The following HEG1 variants were observed in gnomAD, a reference collection of about 807,000 sequenced individuals.
HEG1 encodes the protein protein HEG homolog 1.
In HEG1, 56 loss-of-function variants were observed where a neutral mutation model predicts 125.6. That is an observed-to-expected ratio of 0.45 (90% confidence interval 0.36 to 0.56). HEG1 has a LOEUF of 0.56. HEG1 is among the 20% of genes least tolerant of loss of function. The pLI is 0.00. For missense variants in HEG1, 1,523 were observed against 1,670.0 expected (o/e 0.91, Z 1.53); for synonymous variants, 644 against 668.5 (o/e 0.96, Z 0.57).
intron 1 of HEG1, among the ~76,000 whole-genome samples, chr3:125,039,615 G>A (rs1398372357): frequency 6.6e-6 from 1 of 151,982 alleles, no homozygotes; most frequent in Non-Finnish European, 1.5e-5. Context: ...GGCTTACCAC[G>A]TGCTAAACAT....
chr3:125,013,336 G>A lies in HEG1; in HGVS notation c.2243C>T (p.Pro748Leu), dbSNP rs1331912996. ...LPQSSSTPVL[P>L]RARETPVTSF... ...AGTCACAGGAGTCTCCCTTGCCCTG[G>A]GCAGGACAGGGGTAGAAGATGACTG... Residue 748 changes from proline (P) to leucine (L), a missense_variant, in exon 6 of 17, where the codon CCC (proline) becomes CTC (leucine). Physicochemically the swap from Pro to Leu is moderately conservative, Grantham distance 98. Coordinates refer to ENST00000311127, the MANE Select transcript of HEG1 (RefSeq NM_020733.2). 2 of 1,613,916 alleles carry A rather than the reference G, an allele frequency of 1.2e-6. No individual in the cohort carries two copies. Among genetic ancestry groups the A allele is most frequent in the Non-Finnish European group, 1.7e-6 (2 of 1,179,864 alleles).
At chr3:124,984,903 G>C (rs1175478780) in intron 14 of HEG1, among the ~76,000 whole-genome samples, 1 of 152,180 alleles carries the variant, frequency 6.6e-6, no homozygotes, top group African/African-American at 2.4e-5. Flanking sequence ...AGTTACAGTA[G>C]GTCCATAGAG....
At chr3:125,043,112 A>T (rs1206499444) in intron 1 of HEG1, among the ~76,000 whole-genome samples, 1 of 152,222 alleles carries the variant, frequency 6.6e-6, no homozygotes, top group Non-Finnish European at 1.5e-5. Flanking sequence ...TGACGATCAG[A>T]TTTTTAAAAC....
At position 124,977,935 on chromosome 3, in the gene HEG1, T is replaced by C; in HGVS notation, c.3745A>G (p.Ile1249Val). The change falls in exon 15 of 17, where the codon ATC becomes GTC. Residue 1249 changes from isoleucine to valine, a missense_variant. Physicochemically the swap from Ile to Val is conservative, Grantham distance 29. Transcript: ENST00000311127. ...GLNCGNPYQL[I>V]TVVIAAAGGG... ...CCCGCGGCTGCGATCACCACAGTGA[T>C]AAGCTGATAGGCTAAACGTAAAACA... The C allele has an allele frequency of 6.4e-7, 1 of 1,574,706 alleles. No homozygotes were observed. The highest frequency in any genetic ancestry group is 8.6e-7 in the Non-Finnish European group (1 of 1,160,172).
At chr3:125,011,207 T>C (rs558790343) in intron 6 of HEG1, among the ~76,000 whole-genome samples, 1 of 150,396 alleles carries the variant, frequency 6.6e-6, no homozygotes, top group East Asian at 2.0e-4. Flanking sequence ...AAATCAGTGG[T>C]GGAATGAAAA....
intron 8 of HEG1, among the ~76,000 whole-genome samples, chr3:125,008,584 T>A (rs1341123732): frequency 1.3e-5 from 2 of 152,168 alleles, no homozygotes; most frequent in East Asian, 3.8e-4. Flanking sequence ...GCAGATCACT[T>A]GAGGTCAGGA....
intron 2 of HEG1, 146 bp from the exon 3 acceptor site, chr3:125,027,653 T>C: frequency 1.4e-6 from 1 of 707,924 alleles, no homozygotes; most frequent in Non-Finnish European, 2.3e-6. Context: ...AAAAATAAAC[T>C]CCTGAAAGAG....
At chr3:125,004,330 A>C (rs770235014) in intron 9 of HEG1, among the ~76,000 whole-genome samples, 1 of 152,206 alleles carries the variant, frequency 6.6e-6, no homozygotes, top group Non-Finnish European at 1.5e-5. Flanking sequence ...TTTTAATGGC[A>C]AATTTCAATT....
At chr3:125,050,972 C>T (rs1002499295) in intron 1 of HEG1, among the ~76,000 whole-genome samples, 1 of 152,226 alleles carries the variant, frequency 6.6e-6, no homozygotes, top group Non-Finnish European at 1.5e-5. Context: ...TACCATTTAA[C>T]CTCGCCTCCT....
chr3:125,015,325 G>A (rs1241575404), intron 5 of HEG1, among the ~76,000 whole-genome samples: 2 of 152,224 alleles, frequency 1.3e-5, no homozygotes, highest in Admixed American at 1.3e-4. Flanking sequence ...ATTGGTAGTG[G>A]TGGTGAGGAG....
At chr3:125,002,386 AT>A (rs1937014377) in intron 9 of HEG1, 71 bp from the exon 10 acceptor site, 3 of 1,359,962 alleles carry the variant, frequency 2.2e-6, no homozygotes, top group East Asian at 4.6e-5. Flanking sequence ...CCAGTTTCCT[AT>A]TTTCAGGATA....
intron 2 of HEG1, among the ~76,000 whole-genome samples, chr3:125,028,171 C>A (rs1018444712): frequency 1.3e-5 from 2 of 152,228 alleles, no homozygotes; most frequent in Non-Finnish European, 2.9e-5. Context: ...GTCCCTTTGA[C>A]TCCAGGTTCC....
At chr3:124,971,712 G>A (rs1003462878) in intron 16 of HEG1, among the ~76,000 whole-genome samples, 2 of 151,098 alleles carry the variant, frequency 1.3e-5, no homozygotes, top group Middle Eastern at 3.2e-3. Flanking sequence ...GAATGGTCTC[G>A]ATCTCTTGAC....
chr3:125,005,265 C>A lies in HEG1; in HGVS notation c.3297G>T (p.Thr1099=), dbSNP rs747301982. The stretch of plus-strand genomic sequence containing the variant: ...GAAAGATGCCATTCAGGACACTTAC[C>A]GTTTTGGTGATCTCATTTTCAACTT... ...LQEVENEITK[T]LNMCFSALPS... Residue 1099 remains threonine (T), a splice_region_variant and synonymous_variant, in exon 9 of 17, where the codon ACG becomes ACT. Transcript: ENST00000311127. 2 of 1,560,480 alleles carry A rather than the reference C, an allele frequency of 1.3e-6. No homozygotes were observed. The highest frequency in any genetic ancestry group is 1.8e-6 in the Non-Finnish European group (2 of 1,140,444).
At chr3:125,041,512 GA>G (rs1299855091) in intron 1 of HEG1, among the ~76,000 whole-genome samples, 2 of 152,242 alleles carry the variant, frequency 1.3e-5, no homozygotes, top group Non-Finnish European at 2.9e-5. Context: ...GGGAATGTAA[GA>G]TGGTGCAGCC....
At chr3:125,020,581 C>T (rs562060582) in intron 4 of HEG1, among the ~76,000 whole-genome samples, 5 of 152,214 alleles carry the variant, frequency 3.3e-5, no homozygotes, top group South Asian at 4.2e-4. Flanking sequence ...CACTCAGAGC[C>T]GTAGTTTTCT....
chr3:125,042,786 G>A (rs555936972), intron 1 of HEG1, among the ~76,000 whole-genome samples: 6 of 152,304 alleles, frequency 3.9e-5, no homozygotes, highest in South Asian at 2.1e-4. Context: ...ATTTCAGGCC[G>A]GTGGCCAGCA....
At chr3:124,992,404 A>G (rs1579404111) in intron 12 of HEG1, among the ~76,000 whole-genome samples, 1 of 152,366 alleles carries the variant, frequency 6.6e-6, no homozygotes, top group Middle Eastern at 3.4e-3. Flanking sequence ...GCAATGAAAA[A>G]TGGCCTCACA....
chr3:125,028,029 C>G (rs138337392), intron 2 of HEG1, among the ~76,000 whole-genome samples: 1 of 151,416 alleles, frequency 6.6e-6, no homozygotes, highest in Admixed American at 6.6e-5. Context: ...TCATCTCTGA[C>G]GGCTTCATCC....
Sources: allele counts gnomAD v4.1 joint callset (sites outside exome capture counted in the v4.1 genomes callset), GRCh38; gene constraint gnomAD v4.1.1; transcripts MANE v1.5; gene names NCBI Gene and HGNC (gene_info 2026-07-23, HGNC 2026-07-21).